Variants in MRPS6 observed in about 807,000 individuals in gnomAD.
The protein encoded by MRPS6 is mitochondrial ribosomal protein S6, also known as small ribosomal subunit protein bS6m.
Under a neutral mutation model 13.1 loss-of-function variants are expected in MRPS6, and 6 were observed. The ratio of observed to expected loss-of-function variants is 0.46; its 90% confidence interval spans 0.25 to 0.91. The LOEUF is 0.91. Among genes scored for constraint, MRPS6 ranks in the 40% least tolerant of loss-of-function variants. The probability of loss-of-function intolerance (pLI) is 0.18; values close to 1 mark genes in which losing one functional copy is unlikely to be tolerated. For synonymous variants in MRPS6, 61 were observed against 56.5 expected (o/e 1.08, Z -0.36); for missense variants, 164 against 155.6 (o/e 1.05, Z -0.29).
chr21:34,078,202 C>G (rs551199042), intron 1 of MRPS6, among the ~76,000 whole-genome samples: 1 of 152,046 alleles, frequency 6.6e-6, no homozygotes, highest in Non-Finnish European at 1.5e-5. Context: ...TTAATAATCT[C>G]TCTTTGTGTT....
At chr21:34,080,723 T>C (rs572629587) in intron 1 of MRPS6, among the ~76,000 whole-genome samples, 1 of 152,364 alleles carries the variant, frequency 6.6e-6, no homozygotes, top group East Asian at 1.9e-4. Flanking sequence ...GATTACAAAT[T>C]CTTGAGAGCT....
intron 1 of MRPS6, among the ~76,000 whole-genome samples, chr21:34,117,973 C>G (rs750504411): frequency 2.0e-5 from 3 of 152,078 alleles, no homozygotes; most frequent in Non-Finnish European, 4.4e-5. Flanking sequence ...TCTTAAGATT[C>G]TACACTATAG....
chr21:34,104,671 T>G, intron 1 of MRPS6: 1 of 1,000,256 alleles, frequency 1.0e-6, no homozygotes, highest in Non-Finnish European at 1.2e-6. Flanking sequence ...CCACATTATT[T>G]GAGAATATCA....
chr21:34,074,475 A>G (rs753500010), intron 1 of MRPS6, among the ~76,000 whole-genome samples: 1 of 151,904 alleles, frequency 6.6e-6, no homozygotes, highest in Non-Finnish European at 1.5e-5. Flanking sequence ...ATTGATCTTG[A>G]GGTAGGGGAT....
rs764055960 is a variant in MRPS6, at chr21:34,096,730, A to T, written c.45+22985A>T. On this transcript the variant is annotated intron_variant, in intron 1 of 2. Transcript: ENST00000399312. The surrounding 1 kb of genome is among the most constrained non-coding windows in gnomAD (Gnocchi z 5.9). The stretch of plus-strand genomic sequence containing the variant: ...CCGGGCTTCATCAAAGACATCCATT[A>T]TATGTATGTGGCCACAGGATTGTTT... 1 of 1,613,958 alleles carries T rather than the reference A, an allele frequency of 6.2e-7. No individual in the cohort carries two copies. The highest frequency in any genetic ancestry group is 8.5e-7 in the Non-Finnish European group (1 of 1,179,992).
chr21:34,117,351 G>A (rs1602953125), intron 1 of MRPS6, among the ~76,000 whole-genome samples: 1 of 152,094 alleles, frequency 6.6e-6, no homozygotes, highest in Non-Finnish European at 1.5e-5. Flanking sequence ...CCTCCTGACG[G>A]GGTATTCATT....
At chr21:34,140,040 A>G (rs1310814615) in intron 2 of MRPS6, among the ~76,000 whole-genome samples, 1 of 152,100 alleles carries the variant, frequency 6.6e-6, no homozygotes, top group East Asian at 1.9e-4. Flanking sequence ...CAGTCTGGCT[A>G]TAGAGGCATA....
At chr21:34,089,336 T>A (rs191410468) in intron 1 of MRPS6, among the ~76,000 whole-genome samples, 71 of 152,060 alleles carry the variant, frequency 4.7e-4, no homozygotes, top group Non-Finnish European at 9.7e-4. Flanking sequence ...CATGTTTTCA[T>A]TTATCTTTAA....
chr21:34,132,794 T>C (rs1980550260), intron 2 of MRPS6, among the ~76,000 whole-genome samples: 1 of 152,214 alleles, frequency 6.6e-6, no homozygotes, highest in Non-Finnish European at 1.5e-5. Flanking sequence ...TTCCAGTCTA[T>C]GATTCTGTAA....
chr21:34,127,472 T>A (rs1980348952), intron 2 of MRPS6, among the ~76,000 whole-genome samples: 1 of 152,200 alleles, frequency 6.6e-6, no homozygotes, highest in Admixed American at 6.5e-5. Flanking sequence ...ACATAAATGA[T>A]GAGAAGCCCT....
At position 34,142,732 on chromosome 21, in the gene MRPS6, T is replaced by G; in HGVS notation, c.*132T>G. On this transcript the variant is annotated 3_prime_UTR_variant, in exon 3 of 3. Transcript: ENST00000399312. ...GGTGCTGTTTGATTTTTCTAAGGTA[T>G]TTTTAGCCCTTGATCCCCTTTGCTT... The G allele has an allele frequency of 1.8e-6, 2 of 1,109,468 alleles. No homozygotes were observed. Among genetic ancestry groups the G allele is most frequent in the Non-Finnish European group, 2.4e-6 (2 of 828,882 alleles). The allele number at this position is 1,109,468 out of a possible 1,614,324, so 68.7% of individuals were successfully genotyped here. A position where few individuals can be genotyped will look rare whatever the true frequency, so the allele number is the denominator to read the frequency against.
At chr21:34,078,710 T>C (rs1989390545) in intron 1 of MRPS6, among the ~76,000 whole-genome samples, 1 of 152,224 alleles carries the variant, frequency 6.6e-6, no homozygotes, top group Admixed American at 6.5e-5. Flanking sequence ...TTAACTCATC[T>C]AAAAGAAACC....
chr21:34,123,371 C>T (rs1436866604), intron 1 of MRPS6: 1 of 152,086 alleles, frequency 6.6e-6, no homozygotes, highest in Non-Finnish European at 1.5e-5. Flanking sequence ...CTGCTTGCAC[C>T]TCTTCACGTA....
intron 2 of MRPS6, among the ~76,000 whole-genome samples, chr21:34,140,593 TCA>T (rs1980875822): frequency 6.6e-6 from 1 of 152,244 alleles, no homozygotes; most frequent in Non-Finnish European, 1.5e-5. Context: ...ATGTTGGTGT[TCA>T]CTTTTTCTAT....
At chr21:34,131,526 G>A (rs886430375) in intron 2 of MRPS6, among the ~76,000 whole-genome samples, 12 of 152,142 alleles carry the variant, frequency 7.9e-5, no homozygotes, top group African/African-American at 2.7e-4. Flanking sequence ...CGGGCATCAA[G>A]GGAGTTAGTT....
intron 1 of MRPS6, among the ~76,000 whole-genome samples, chr21:34,073,963 C>T (rs1330009965): frequency 6.9e-6 from 1 of 145,756 alleles, no homozygotes; most frequent in Non-Finnish European, 1.5e-5. Flanking sequence ...GGTGTGCCTG[C>T]GCGTGTGCGC....
intron 1 of MRPS6, 65 bp downstream of exon 1, chr21:34,073,810 TC>T: frequency 1.6e-6 from 2 of 1,238,460 alleles, no homozygotes; most frequent in Non-Finnish European, 2.1e-6. Flanking sequence ...TAGGCCGCCG[TC>T]CCCCGCGCGC....
At chr21:34,135,819 T>A in intron 2 of MRPS6, 1 of 541,370 alleles carries the variant, frequency 1.8e-6, no homozygotes, top group Non-Finnish European at 3.6e-6. Context: ...GGCCATGCAT[T>A]ATCATGGAGT....
At chr21:34,089,228 G>C (rs1300943530) in intron 1 of MRPS6, among the ~76,000 whole-genome samples, 2 of 151,892 alleles carry the variant, frequency 1.3e-5, no homozygotes, top group East Asian at 3.9e-4. Context: ...GGTTTGGCCA[G>C]GCAGGTCTCG....
Sources: gnomAD v4.1 joint callset for allele counts (sites outside exome capture counted in the v4.1 genomes callset) on GRCh38, gnomAD v4.1.1 for gene constraint, Gnocchi (gnomAD v3.1) non-coding constraint, MANE v1.5 for transcripts, NCBI Gene and HGNC (gene_info 2026-07-23, HGNC 2026-07-21) for gene names.